Variants in BBS9 observed in about 807,000 individuals in gnomAD.
BBS9 encodes protein PTHB1.
A neutral mutation model predicts 117.7 loss-of-function variants in BBS9; 89 were observed. The ratio of observed to expected loss-of-function variants is 0.76; its 90% CI spans 0.64 to 0.90. The LOEUF is 0.90. Among genes scored for constraint, BBS9 ranks in the 40% least tolerant of loss-of-function variants. BBS9 has a pLI of 0.00. For missense variants in BBS9, 982 were observed against 1,042.2 expected (o/e 0.94, Z 0.80); for synonymous variants, 379 against 370.9 (o/e 1.02, Z -0.25).
At chr7:33,351,672 G>A (rs150665588) in intron 14 of BBS9, among the ~76,000 whole-genome samples, 2 of 152,044 alleles carry the variant, frequency 1.3e-5, no homozygotes, top group Non-Finnish European at 2.9e-5. Context: ...CCATATCTGC[G>A]TTCTTATTTC....
intron 19 of BBS9, among the ~76,000 whole-genome samples, chr7:33,455,867 T>C (rs940026513): frequency 6.6e-6 from 1 of 152,234 alleles, no homozygotes; most frequent in African/African-American, 2.4e-5. Flanking sequence ...CAACATATTG[T>C]TACGATATTA....
rs188124022 is a variant in BBS9, at chr7:33,386,826, T to C, written c.1963-1166T>C. ...TTTAACAATATTAATTTAAATGAGA[T>C]GGGTTACAGTGAAGAGAGTCATTTA... is the stretch of plus-strand genomic sequence containing the variant. On this transcript the variant is annotated intron_variant, in intron 18 of 22. Coordinates refer to ENST00000242067, the MANE Select transcript of BBS9 (RefSeq NM_198428.3). Among the ~76,000 whole-genome samples the C allele has an allele frequency of 2.0e-3, 299 of 152,206 alleles. 3 individuals are homozygous for C. Among genetic ancestry groups the C allele is most frequent in the Middle Eastern group, 0.017 (5 of 294 alleles).
intron 9 of BBS9, among the ~76,000 whole-genome samples, chr7:33,279,376 C>T (rs776183680): frequency 1.3e-5 from 2 of 152,294 alleles, no homozygotes; most frequent in Admixed American, 1.3e-4. Flanking sequence ...GTGCTCAGCC[C>T]ACATATTTAT....
intron 10 of BBS9, among the ~76,000 whole-genome samples, chr7:33,338,102 A>G (rs1056250878): frequency 3.9e-5 from 6 of 152,110 alleles, no homozygotes; most frequent in African/African-American, 4.8e-5. Flanking sequence ...AGATAGGGAT[A>G]CACCCACAGA....
At chr7:33,228,886 C>T (rs142651241) in intron 5 of BBS9, among the ~76,000 whole-genome samples, 199 of 152,060 alleles carry the variant, frequency 1.3e-3, no homozygotes, top group African/African-American at 4.5e-3. Context: ...AGAAACTCCA[C>T]GTATAAGGGG....
chr7:33,206,297 A>G (rs1052438812), intron 5 of BBS9, among the ~76,000 whole-genome samples: 10 of 152,216 alleles, frequency 6.6e-5, no homozygotes, highest in Non-Finnish European at 1.0e-4. Context: ...TATAGTTAGT[A>G]AAGTAAGTAT....
intron 19 of BBS9, among the ~76,000 whole-genome samples, chr7:33,446,807 A>T (rs1477944695): frequency 6.6e-6 from 1 of 152,190 alleles, no homozygotes; most frequent in African/African-American, 2.4e-5. Flanking sequence ...CTTTGTCTGA[A>T]GCACACCAAT....
chr7:33,340,850 A>G, intron 10 of BBS9, 47 bp from the exon 11 acceptor site: 1 of 1,522,404 alleles, frequency 6.6e-7, no homozygotes, highest in Non-Finnish European at 9.0e-7. Context: ...CTATATATAG[A>G]AAGTTTTACT....
intron 4 of BBS9, among the ~76,000 whole-genome samples, chr7:33,173,160 C>G (rs375336322): frequency 6.6e-6 from 1 of 152,194 alleles, no homozygotes; most frequent in Non-Finnish European, 1.5e-5. Flanking sequence ...TATGCCTGGA[C>G]TCAGCATGGT....
intron 16 of BBS9, among the ~76,000 whole-genome samples, chr7:33,366,543 C>CTTTTTTTTTTTTTT (rs70989948): frequency 2.2e-5 from 2 of 89,692 alleles, no homozygotes; most frequent in Non-Finnish European, 4.1e-5. Flanking sequence ...TCTTTTCTTT[C>CTTTTTTTTTTTTTT]TTTTTTTTTT....
chr7:33,538,443 C>CT (rs1217043675), intron 21 of BBS9, among the ~76,000 whole-genome samples: 2 of 151,948 alleles, frequency 1.3e-5, no homozygotes, highest in Non-Finnish European at 2.9e-5. Flanking sequence ...CTATTCTAGC[C>CT]TTTTGAGAGA....
At chr7:33,572,600 A>G (rs2129141222) in intron 21 of BBS9, among the ~76,000 whole-genome samples, 1 of 152,194 alleles carries the variant, frequency 6.6e-6, no homozygotes, top group Non-Finnish European at 1.5e-5. Flanking sequence ...CCTCACCAAC[A>G]TCTGTTACTT....
At position 33,383,668 on chromosome 7, in the gene BBS9, C is replaced by T. The variant is rs137852856; in HGVS notation, c.1792C>T (p.Arg598Ter). The T allele has an allele frequency of 2.4e-5, 38 of 1,603,096 alleles. No homozygotes were observed. The highest frequency in any genetic ancestry group is 4.0e-5 in the African/African-American group (3 of 74,826). Reference sequence around the variant, plus strand: ...TTTCCTTAATTTTTTTCTCTCAGAACGATATCGCATTCAGAGTGAACAATT... The same window carrying T: ...TTTCCTTAATTTTTTTCTCTCAGAATGATATCGCATTCAGAGTGAACAATT... ...ITVLASKTSQ[R>*]YRIQSEQFED... is the part of the protein sequence containing the mutation. Residue 598 changes from arginine (R) to a stop codon, truncating the protein, a stop_gained and splice_region_variant, in exon 18 of 23, where the codon CGA (arginine) becomes TGA (stop). Coordinates refer to ENST00000242067, the MANE Select transcript of BBS9 (RefSeq NM_198428.3). LOFTEE classifies it high-confidence loss of function.
At chr7:33,369,588 C>T (rs1822468961) in intron 17 of BBS9, among the ~76,000 whole-genome samples, 1 of 152,072 alleles carries the variant, frequency 6.6e-6, no homozygotes, top group African/African-American at 2.4e-5. Context: ...TAAATTGAAA[C>T]CTGAATAATA....
chr7:33,412,657 C>CT (rs1831350848), intron 19 of BBS9, among the ~76,000 whole-genome samples: 1 of 152,090 alleles, frequency 6.6e-6, no homozygotes, highest in South Asian at 2.1e-4. Flanking sequence ...TTTTAAGATC[C>CT]TTTTTTGCTT....
intron 19 of BBS9, among the ~76,000 whole-genome samples, 169 bp from the exon 20 acceptor site, chr7:33,505,294 G>T (rs552651463): frequency 6.6e-6 from 1 of 152,094 alleles, no homozygotes; most frequent in Non-Finnish European, 1.5e-5. Context: ...TTTAAAGAAG[G>T]AAGTGAGCAG....
intron 19 of BBS9, among the ~76,000 whole-genome samples, chr7:33,414,197 G>A (rs1391723124): frequency 6.6e-6 from 1 of 151,964 alleles, no homozygotes; most frequent in East Asian, 1.9e-4. Context: ...TTCCCTTCAG[G>A]CCTACACATA....
chr7:33,487,217 GTTTCTCCAT>G (rs1843235564), intron 19 of BBS9, among the ~76,000 whole-genome samples: 1 of 152,078 alleles, frequency 6.6e-6, no homozygotes, highest in South Asian at 2.1e-4. Context: ...TAATTCGTTG[GTTTCTCCAT>G]TTTTTAAACT....
intron 20 of BBS9, among the ~76,000 whole-genome samples, chr7:33,510,485 CA>C (rs748678155): frequency 3.6e-4 from 54 of 151,978 alleles, no homozygotes; most frequent in Admixed American, 6.6e-4. Context: ...CCTGATAGGA[CA>C]AATCTCTTTA....
Sources: allele counts gnomAD v4.1 joint callset (sites outside exome capture counted in the v4.1 genomes callset), GRCh38; gene constraint gnomAD v4.1.1; transcripts MANE v1.5; gene names NCBI Gene and HGNC (gene_info 2026-07-23, HGNC 2026-07-21).